Variants in CDC23 observed in about 807,000 individuals in gnomAD.
CDC23 encodes cell division cycle 23.
Under a neutral mutation model 81.7 loss-of-function variants are expected in CDC23, and 26 were observed. The observed-to-expected ratio is 0.32, with a 90% CI of 0.23 to 0.44. The LOEUF (loss-of-function observed/expected upper bound fraction) is 0.44. Among genes scored for constraint, CDC23 ranks in the 20% least tolerant of loss-of-function variants. The pLI is 1.00. For missense variants in CDC23, 519 were observed against 728.0 expected (o/e 0.71, Z 3.30); for synonymous variants, 267 against 270.8 (o/e 0.99, Z 0.14).
In CDC23 at chr5:138,195,550, TA is replaced by T. The variant is rs1218169350; in HGVS notation, c.1012+2648del. On this transcript the variant is annotated intron_variant, in intron 9 of 15. Coordinates refer to ENST00000394886, the MANE Select transcript of CDC23 (RefSeq NM_004661.4). Reference sequence around the variant, plus strand: ...AAATTATATATATTTATATATAATATAATTATATATAATATATTTATATATA... The same window carrying T: ...AAATTATATATATTTATATATAATATATTATATATAATATATTTATATATA... Among the ~76,000 whole-genome samples the T allele has an allele frequency of 3.0e-3, 325 of 107,178 alleles. 2 individuals are homozygous for T. Among genetic ancestry groups the T allele is most frequent in the African/African-American group, 9.6e-3 (273 of 28,362 alleles). The allele number at this position is 107,178 out of a possible 152,430, so 70.3% of individuals were successfully genotyped here.
At chr5:138,212,866 G>A (rs1195658642) in intron 2 of CDC23, 125 bp downstream of exon 2, 1 of 722,390 alleles carries the variant, frequency 1.4e-6, no homozygotes, top group African/African-American at 1.8e-5. Context: ...CTCTTTGAAT[G>A]CCTGAATTCC....
chr5:138,189,772 T>A lies in CDC23; in HGVS notation c.1504-20A>T. The A allele has an allele frequency of 1.9e-6, 3 of 1,613,354 alleles. No individual in the cohort carries two copies. Among genetic ancestry groups the A allele is most frequent in the Admixed American group, 1.7e-5 (1 of 59,988 alleles). On this transcript the variant is annotated intron_variant, in intron 14 of 15. Coordinates refer to ENST00000394886, the MANE Select transcript of CDC23 (RefSeq NM_004661.4). Reference sequence around the variant, plus strand: ...TATTTCCTAGAAAGGGAAAGCAAAATTACTGAGGTGACAGTAATAATATCA... The same window carrying A: ...TATTTCCTAGAAAGGGAAAGCAAAAATACTGAGGTGACAGTAATAATATCA...
In CDC23 at chr5:138,187,677, C is replaced by A; in HGVS notation, c.*1301G>T. The A allele has an allele frequency of 3.3e-6, 1 of 304,672 alleles. No homozygotes were observed. The highest frequency in any genetic ancestry group is 6.1e-6 in the Non-Finnish European group (1 of 162,954). 18.9% of individuals were successfully genotyped at this position (304,672 alleles called of 1,614,324 possible). ...ATTGTTCACATTTTTTATTGAATTCCAAATGTAGCAAAATCATTAAAACAA... is the reference window on the plus strand; with the variant it reads ...ATTGTTCACATTTTTTATTGAATTCAAAATGTAGCAAAATCATTAAAACAA... On this transcript the variant is annotated 3_prime_UTR_variant, in exon 16 of 16. Transcript: ENST00000394886.
intron 3 of CDC23, among the ~76,000 whole-genome samples, chr5:138,204,242 C>T (rs1239848967): frequency 2.0e-5 from 3 of 152,138 alleles, no homozygotes; most frequent in East Asian, 1.9e-4. Context: ...CAGTGGCTCA[C>T]GCCTGTAATC....
Position 138,201,243 on chromosome 5 carries a change from G to A in CDC23, c.522-4C>T, listed in dbSNP as rs1182582722. On this transcript the variant is annotated splice_region_variant and splice_polypyrimidine_tract_variant and intron_variant, in intron 5 of 15. Transcript: ENST00000394886. The stretch of plus-strand genomic sequence containing the variant: ...TTTTCGAAGCACCACACCATACCTG[G>A]GAAAAAAAAGAAACAATCACAGAAG... 6.2e-7 allele frequency: 1 copy of A among 1,611,360 alleles called. No individual in the cohort carries two copies. The highest frequency in any genetic ancestry group is 1.7e-5 in the Admixed American group (1 of 59,268).
Position 138,212,994 on chromosome 5 carries a change from T to A in CDC23, c.231A>T (p.Thr77=). Residue 77 remains threonine (T), a synonymous_variant, in exon 2 of 16, where the codon ACA becomes ACT. Coordinates refer to ENST00000394886, the MANE Select transcript of CDC23 (RefSeq NM_004661.4). Reference sequence around the variant, plus strand: ...CTCACTGTAAACATGTCCTTACCTCTGTAATAGGCGGAGGCGGTTGCAGCT... The same window carrying A: ...CTCACTGTAAACATGTCCTTACCTCAGTAATAGGCGGAGGCGGTTGCAGCT... ...LAELQPPPPI[T]EEDAQDMDAY... 1 of 1,613,724 alleles carries A rather than the reference T, an allele frequency of 6.2e-7. No homozygotes were observed. Among genetic ancestry groups the A allele is most frequent in the South Asian group, 1.1e-5 (1 of 91,076 alleles).
At chr5:138,205,270 A>G in intron 3 of CDC23, among the ~76,000 whole-genome samples, 1 of 152,240 alleles carries the variant, frequency 6.6e-6, no homozygotes, top group East Asian at 1.9e-4. Flanking sequence ...TAACTTTTTA[A>G]ATCCCATAAT....
Position 138,213,270 on chromosome 5 carries a change from C to G in CDC23, c.43G>C (p.Ala15Pro), listed in dbSNP as rs1268243747. The G allele has an allele frequency of 6.2e-7, 1 of 1,613,952 alleles. No individual in the cohort carries two copies. Among genetic ancestry groups the G allele is most frequent in the African/African-American group, 1.3e-5 (1 of 74,910 alleles). The change falls in exon 1 of 16, where the codon GCA becomes CCA. Residue 15 changes from alanine to proline, a missense_variant. Coordinates refer to ENST00000394886, the MANE Select transcript of CDC23 (RefSeq NM_004661.4). ...TTTATGGACAGGACAGGCGCCACTG[C>G]CGCCGTCACAGCCACCGGGACCATG... ...TSMVPVAVTAAVAPVLSINSD... is the reference protein window; with the variant it reads ...TSMVPVAVTAPVAPVLSINSD...
intron 2 of CDC23, 46 bp downstream of exon 2, chr5:138,212,945 A>T: frequency 2.0e-6 from 3 of 1,535,222 alleles, no homozygotes; most frequent in Non-Finnish European, 2.7e-6. Context: ...CTCTTGAGGC[A>T]CACCCCTGGG....
At chr5:138,196,728 C>T (rs2126583049) in intron 9 of CDC23, among the ~76,000 whole-genome samples, 1 of 151,314 alleles carries the variant, frequency 6.6e-6, no homozygotes, top group East Asian at 2.0e-4. Flanking sequence ...CTACAGGCGC[C>T]CGCCACCACG....
chr5:138,192,719 A>G, intron 9 of CDC23, 62 bp from the exon 10 acceptor site: 2 of 1,472,418 alleles, frequency 1.4e-6, no homozygotes, highest in Non-Finnish European at 1.9e-6. Flanking sequence ...GTCCATTAAA[A>G]TAGATAGCAT....
chr5:138,191,252 G>A (rs1269582434), intron 13 of CDC23, among the ~76,000 whole-genome samples: 3 of 151,814 alleles, frequency 2.0e-5, no homozygotes, highest in East Asian at 1.9e-4. Context: ...TCCCTCAGCC[G>A]CCCAAAGTGC....
At chr5:138,195,660 C>T (rs1754885555) in intron 9 of CDC23, among the ~76,000 whole-genome samples, 1 of 103,526 alleles carries the variant, frequency 9.7e-6, no homozygotes, top group Admixed American at 1.4e-4. Context: ...ATATTATATA[C>T]ATATATTTTA....
chr5:138,189,058 A>G lies in CDC23; in HGVS notation c.1714T>C (p.Phe572Leu). 6.2e-7 allele frequency: 1 copy of G among 1,614,078 alleles called. No individual in the cohort carries two copies. The highest frequency in any genetic ancestry group is 1.1e-5 in the South Asian group (1 of 91,070). ...TTAGCAGAGAGTGAAGCAGGTAGGA[A>G]AAAGGGAGCAGGCACCTCGGTGGTA... ...TPTTEVPAPF[F>L]LPASLSANNT... The change falls in exon 16 of 16, where the codon TTC becomes CTC. Residue 572 changes from phenylalanine (F) to leucine (L), a missense_variant. Around this residue, in one of 4 missense-constraint regions of CDC23, gnomAD observed 38 missense variants for 34.7 expected, o/e 1.10. Coordinates refer to ENST00000394886, the MANE Select transcript of CDC23 (RefSeq NM_004661.4).
intron 2 of CDC23, among the ~76,000 whole-genome samples, chr5:138,209,928 G>A (rs1255784306): frequency 6.6e-6 from 1 of 151,842 alleles, no homozygotes; most frequent in African/African-American, 2.4e-5. Flanking sequence ...CACAGTTATG[G>A]CTGAGAGCAG....
At chr5:138,206,435 T>C (rs1180585057) in intron 3 of CDC23, 112 bp downstream of exon 3, 2 of 1,010,826 alleles carry the variant, frequency 2.0e-6, no homozygotes, top group Non-Finnish European at 3.2e-6. Flanking sequence ...ATGTATAAAG[T>C]ACATTCATTC....
chr5:138,201,203 T>C lies in CDC23; in HGVS notation c.558A>G (p.Lys186=). Residue 186 remains lysine, a synonymous_variant, in exon 6 of 16, where the codon AAA becomes AAG. Coordinates refer to ENST00000394886, the MANE Select transcript of CDC23 (RefSeq NM_004661.4). ...CTTCCACAAACACATCAATGGCCTCTTTAACCAAGTCCAGTTTTCGAAGCA... is the reference window on the plus strand; with the variant it reads ...CTTCCACAAACACATCAATGGCCTCCTTAACCAAGTCCAGTTTTCGAAGCA... The part of the protein sequence containing the change: ...GVVLRKLDLV[K]EAIDVFVEAT... 6.2e-7 allele frequency: 1 copy of C among 1,614,202 alleles called. No homozygotes were observed. The highest frequency in any genetic ancestry group is 8.5e-7 in the Non-Finnish European group (1 of 1,180,044).
intron 2 of CDC23, among the ~76,000 whole-genome samples, chr5:138,209,430 A>AAG (rs1755088638): frequency 2.6e-5 from 4 of 151,078 alleles, no homozygotes; most frequent in African/African-American, 9.8e-5. Context: ...TCAAAAAAAA[A>AAG]AAAAGAAAAG....
At chr5:138,208,857 C>G (rs1303659072) in intron 2 of CDC23, among the ~76,000 whole-genome samples, 3 of 152,154 alleles carry the variant, frequency 2.0e-5, no homozygotes, top group Non-Finnish European at 4.4e-5. Context: ...GGCGCAATCT[C>G]AAATCACTCC....
Sources: allele counts gnomAD v4.1 joint callset (sites outside exome capture counted in the v4.1 genomes callset), GRCh38; gene constraint gnomAD v4.1.1; regional missense constraint gnomAD v4.1.1; transcripts MANE v1.5; gene names NCBI Gene and HGNC (gene_info 2026-07-23, HGNC 2026-07-21).